The following MTMR8 variants were observed in gnomAD, a reference collection of about 807,000 sequenced individuals.
MTMR8 encodes phosphatidylinositol-3,5-bisphosphate 3-phosphatase MTMR8.
A neutral mutation model predicts 39.3 loss-of-function variants in MTMR8; 65 were observed. The observed-to-expected ratio is 1.65, with a 90% CI of 1.35 to 2.03. The LOEUF (loss-of-function observed/expected upper bound fraction) is 2.03. Among genes scored for constraint, MTMR8 ranks in the 30% most tolerant of loss-of-function variants. MTMR8 has a pLI of 0.00. For synonymous variants in MTMR8, 245 were observed against 185.2 expected (o/e 1.32, Z -2.62); for missense variants, 777 against 538.9 (o/e 1.44, Z -4.37).
chrX:64,310,216 A>G (rs1224311124), intron 12 of MTMR8, among the ~76,000 whole-genome samples: 4 of 112,161 alleles, frequency 3.6e-5, no homozygotes, highest in Admixed American at 9.5e-5. Context: ...TGTTCACAGC[A>G]TCTTTACTAG....
chrX:64,332,852 C>T (rs1922979025), intron 10 of MTMR8, among the ~76,000 whole-genome samples: 1 of 111,742 alleles, frequency 8.9e-6, no homozygotes, highest in Non-Finnish European at 1.9e-5. Context: ...TCTTTGAAAT[C>T]TTAATCACGA....
intron 1 of MTMR8, among the ~76,000 whole-genome samples, chrX:64,377,059 C>G (rs1435753596): frequency 8.9e-6 from 1 of 112,339 alleles, no homozygotes; most frequent in Non-Finnish European, 1.9e-5. Context: ...TGCAGGTGCT[C>G]AAAGGGCAAG....
chrX:64,288,896 A>G (rs1921300616), intron 12 of MTMR8, among the ~76,000 whole-genome samples: 1 of 110,556 alleles, frequency 9.0e-6, no homozygotes, highest in South Asian at 3.9e-4. Flanking sequence ...GAGGGATAGC[A>G]TTAGGAGATA....
At chrX:64,318,845 T>C (rs777439098) in intron 12 of MTMR8, among the ~76,000 whole-genome samples, 2 of 108,225 alleles carry the variant, frequency 1.8e-5, no homozygotes, top group African/African-American at 6.8e-5. Flanking sequence ...GTAGCTGGGG[T>C]TATTTTTGTA....
intron 12 of MTMR8, among the ~76,000 whole-genome samples, chrX:64,278,331 G>A (rs1378567224): frequency 1.8e-5 from 2 of 109,219 alleles, no homozygotes; most frequent in Non-Finnish European, 3.8e-5. Flanking sequence ...GGAATTCTCA[G>A]CCTTTTTGCA....
At chrX:64,300,834 G>A (rs1190058424) in intron 12 of MTMR8, among the ~76,000 whole-genome samples, 4 of 108,112 alleles carry the variant, frequency 3.7e-5, no homozygotes, top group Non-Finnish European at 7.7e-5. Context: ...CTTCACTTAT[G>A]AAGCTTAGTT....
At chrX:64,383,151 C>A (rs1924474862) in intron 1 of MTMR8, among the ~76,000 whole-genome samples, 1 of 111,203 alleles carries the variant, frequency 9.0e-6, no homozygotes, top group African/African-American at 3.3e-5. Context: ...AAAAAGATCT[C>A]TTTTGATCAC....
intron 4 of MTMR8, among the ~76,000 whole-genome samples, chrX:64,353,864 C>T (rs1923547876): frequency 9.0e-6 from 1 of 110,593 alleles, no homozygotes; most frequent in African/African-American, 3.3e-5. Flanking sequence ...GAGATTGAGG[C>T]TACACTGAGC....
chrX:64,334,762 C>T (rs748680474), intron 10 of MTMR8, among the ~76,000 whole-genome samples: 1 of 110,736 alleles, frequency 9.0e-6, no homozygotes, highest in Admixed American at 9.7e-5. Flanking sequence ...GGCTAGAATG[C>T]TTTCTCCCTT....
intron 2 of MTMR8, 92 bp from the exon 3 acceptor site, chrX:64,356,430 T>C: frequency 1.2e-6 from 1 of 805,560 alleles, no homozygotes; most frequent in Non-Finnish European, 1.8e-6. Context: ...GGTAACAGCA[T>C]GACCAGATCT....
intron 13 of MTMR8, 117 bp from the exon 14 acceptor site, chrX:64,269,160 T>A: frequency 4.2e-6 from 3 of 722,692 alleles, no homozygotes; most frequent in Non-Finnish European, 6.1e-6. Context: ...GCAAATGACC[T>A]TTTGCTCACC....
chrX:64,352,889 T>C (rs1009194405), intron 4 of MTMR8, among the ~76,000 whole-genome samples: 1 of 111,413 alleles, frequency 9.0e-6, no homozygotes, highest in Non-Finnish European at 1.9e-5. Flanking sequence ...CACAAATATA[T>C]ATATATATGT....
Position 64,268,849 on chromosome X carries a change from T to C in MTMR8, c.1803A>G (p.Val601=). 1.7e-6 allele frequency: 2 copies of C among 1,211,874 alleles called. No individual in the cohort carries two copies. The highest frequency in any genetic ancestry group is 1.8e-5 in the South Asian group (1 of 56,967). Reference sequence around the variant, plus strand: ...GGTGGAGGTCTGCACCCTGGCTTTTTACTTGATCCATCTGAGCTCGGAGGC... The same window carrying C: ...GGTGGAGGTCTGCACCCTGGCTTTTCACTTGATCCATCTGAGCTCGGAGGC... ...EGGLRAQMDQ[V]KSQGADLHHN... The change falls in exon 14 of 14, where the codon GTA becomes GTG. Residue 601 remains valine, a synonymous_variant. Transcript: ENST00000374852.
intron 1 of MTMR8, among the ~76,000 whole-genome samples, chrX:64,376,808 T>G (rs921056739): frequency 1.8e-5 from 2 of 111,704 alleles, no homozygotes; most frequent in Non-Finnish European, 3.8e-5. Context: ...AGAAAATACC[T>G]CAAAGGCATT....
chrX:64,312,176 C>T (rs925909534), intron 12 of MTMR8, among the ~76,000 whole-genome samples: 5 of 111,436 alleles, frequency 4.5e-5, no homozygotes, highest in Non-Finnish European at 9.4e-5. Context: ...TCTTTTATTT[C>T]GTTGAGCAGT....
chrX:64,381,353 T>G (rs1924413534), intron 1 of MTMR8, among the ~76,000 whole-genome samples: 1 of 112,082 alleles, frequency 8.9e-6, no homozygotes, highest in Non-Finnish European at 1.9e-5. Context: ...TGGCCAGTGA[T>G]GATGAGCATT....
rs145840033 is a variant in MTMR8 at position 64,345,811 on chromosome X, C to T, written c.733-634G>A. 3.3e-3 allele frequency among the ~76,000 whole-genome samples: 369 copies of T among 111,695 alleles called. 1 individual carries two copies. The highest frequency in any genetic ancestry group is 9.2e-3 in the Middle Eastern group (2 of 218). On this transcript the variant is annotated intron_variant, in intron 6 of 13. Coordinates refer to ENST00000374852, the MANE Select transcript of MTMR8 (RefSeq NM_017677.4). ...TTACAAAAAATGTTTTTTGTAAAGACAGTCTCGCTGTTCCCCACACTGGCC... is the reference window on the plus strand; with the variant it reads ...TTACAAAAAATGTTTTTTGTAAAGATAGTCTCGCTGTTCCCCACACTGGCC...
chrX:64,336,087 A>G lies in MTMR8; in HGVS notation c.1143T>C (p.Phe381=). ...AATGAGTATATTTTTACCTTTGGGA[A>G]AACTTGTGGCCCATGGATATCCATT... The part of the protein sequence containing the change: ...EKEWISMGHK[F]SQRCGHLDGD... The change falls in exon 10 of 14, where the codon TTT becomes TTC. Residue 381 remains phenylalanine (F), a synonymous_variant. Coordinates refer to ENST00000374852, the MANE Select transcript of MTMR8 (RefSeq NM_017677.4). 6.7e-6 allele frequency: 8 copies of G among 1,195,591 alleles called. No homozygotes were observed. Among genetic ancestry groups the G allele is most frequent in the Non-Finnish European group, 9.0e-6 (8 of 885,839 alleles).
intron 1 of MTMR8, among the ~76,000 whole-genome samples, chrX:64,369,890 T>C (rs186050238): frequency 9.0e-6 from 1 of 111,471 alleles, no homozygotes; most frequent in Non-Finnish European, 1.9e-5. Flanking sequence ...CATACAGCAA[T>C]ATAAATATGA....
Sources: allele counts gnomAD v4.1 joint callset (sites outside exome capture counted in the v4.1 genomes callset), GRCh38; gene constraint gnomAD v4.1.1; transcripts MANE v1.5; gene names NCBI Gene and HGNC (gene_info 2026-07-23, HGNC 2026-07-21).